The following TRHR variants were observed in gnomAD, a reference collection of about 807,000 sequenced individuals.
TRHR encodes thyrotropin-releasing hormone receptor.
Under a neutral mutation model 28.0 loss-of-function variants are expected in TRHR, and 14 were observed. That is an observed-to-expected ratio of 0.50 (90% CI 0.33 to 0.78). The LOEUF (loss-of-function observed/expected upper bound fraction) is 0.78. TRHR is among the 30% of genes least tolerant of loss of function. The pLI, the probability that TRHR is intolerant of heterozygous loss-of-function variation, is 0.02. For synonymous variants in TRHR, 176 were observed against 171.9 expected (o/e 1.02, Z -0.18); for missense variants, 438 against 469.5 (o/e 0.93, Z 0.62).
rs1447165984 is a variant in TRHR at position 109,119,305 on chromosome 8, TG to T, written c.1048del (p.Val350TrpfsTer3). 6.2e-7 allele frequency: 1 copy of T among 1,612,614 alleles called. No homozygotes were observed. On this transcript the variant is annotated frameshift_variant, in exon 3 of 3. Coordinates refer to ENST00000518632, the MANE Select transcript of TRHR (RefSeq NM_003301.7). LOFTEE classifies it high-confidence loss of function. ...CAACAGAGAAACCTGCTAACTACAG[TG>T]TGGCCCTAAATTACAGCGTCATCAA... is the stretch of plus-strand genomic sequence containing the variant. Reference protein sequence around the residue: ...KPTEKPANYSVALNYSVIKES... With the variant: ...KPTEKPANYSXALNYSVIKES...
At chr8:109,104,253 G>A (rs1384949255) in intron 2 of TRHR, among the ~76,000 whole-genome samples, 1 of 152,082 alleles carries the variant, frequency 6.6e-6, no homozygotes, top group African/African-American at 2.4e-5. Flanking sequence ...AGAGAGTCAA[G>A]TTGCTTAGTA....
chr8:109,088,991 T>G (rs1294120923), intron 2 of TRHR, among the ~76,000 whole-genome samples: 1 of 152,174 alleles, frequency 6.6e-6, no homozygotes, highest in Non-Finnish European at 1.5e-5. Flanking sequence ...ATCGGTTTTT[T>G]CCTGCTAAGC....
At chr8:109,095,816 T>C (rs945114542) in intron 2 of TRHR, among the ~76,000 whole-genome samples, 39 of 152,044 alleles carry the variant, frequency 2.6e-4, no homozygotes, top group African/African-American at 9.4e-4. Context: ...TAAGTGCCTT[T>C]TTCTCCTGTT....
intron 2 of TRHR, among the ~76,000 whole-genome samples, chr8:109,107,430 G>T (rs1176196098): frequency 6.6e-6 from 1 of 152,152 alleles, no homozygotes; most frequent in African/African-American, 2.4e-5. Context: ...ATGCCATACA[G>T]ATAGTAAGTG....
At position 109,119,579 on chromosome 8, in the gene TRHR, A is replaced by G; in HGVS notation, c.*124A>G. ...GCAGATCAGTCTTTGTCAATGCTCT[A>G]ACAAATTCTGGCCCTAGATACTTTA... On this transcript the variant is annotated 3_prime_UTR_variant, in exon 3 of 3. Coordinates refer to ENST00000518632, the MANE Select transcript of TRHR (RefSeq NM_003301.7). 1 of 1,194,236 alleles carries G rather than the reference A, an allele frequency of 8.4e-7. No homozygotes were observed. Among genetic ancestry groups the G allele is most frequent in the Non-Finnish European group, 1.2e-6 (1 of 846,082 alleles). 74.0% of individuals were successfully genotyped at this position (1,194,236 alleles called of 1,614,324 possible).
At chr8:109,111,158 AC>A (rs1811826374) in intron 2 of TRHR, among the ~76,000 whole-genome samples, 1 of 151,892 alleles carries the variant, frequency 6.6e-6, no homozygotes, top group African/African-American at 2.4e-5. Flanking sequence ...TCTCAAAAAA[AC>A]AAAACAAAAC....
chr8:109,087,496 A>C lies in TRHR; in HGVS notation c.-17A>C, dbSNP rs1021213362. ...TTTGAGAAGTCAGTGTTTCCGAGAA[A>C]CTTTAAGCTTCTAAAGATGGAAAAC... On this transcript the variant is annotated 5_prime_UTR_variant, in exon 2 of 3. Transcript: ENST00000518632. 7 of 1,613,896 alleles carry C rather than the reference A, an allele frequency of 4.3e-6. No homozygotes were observed. The highest frequency in any genetic ancestry group is 5.9e-6 in the Non-Finnish European group (7 of 1,180,008).
Position 109,121,377 on chromosome 8 carries a change from A to AT in TRHR, c.*1928dup, listed in dbSNP as rs1329763950. Among the ~76,000 whole-genome samples the AT allele has an allele frequency of 6.6e-6, 1 of 151,550 alleles. No homozygotes were observed. The highest frequency in any genetic ancestry group is 6.6e-5 in the Admixed American group (1 of 15,164). On this transcript the variant is annotated 3_prime_UTR_variant, in exon 3 of 3. Transcript: ENST00000518632. ...GAAAAAGGGGATTGGAATATACGAG[A>AT]TTTTTTCATTACAGAAAGGACCTAA...
chr8:109,118,238 A>G (rs1337568599), intron 2 of TRHR, among the ~76,000 whole-genome samples: 1 of 151,912 alleles, frequency 6.6e-6, no homozygotes, highest in Non-Finnish European at 1.5e-5. Flanking sequence ...TACAATACCT[A>G]TTTTAGGAGG....
In TRHR at chr8:109,120,189, G is replaced by A. The variant is rs1034598301; in HGVS notation, c.*734G>A. ...AACTCTTCCAGCCTCCCACATGATG[G>A]GTGGAAAAAGGCAAAAGCCCAGATT... On this transcript the variant is annotated 3_prime_UTR_variant, in exon 3 of 3. Transcript: ENST00000518632. 6.6e-6 allele frequency among the ~76,000 whole-genome samples: 1 copy of A among 151,644 alleles called. No individual in the cohort carries two copies. The highest frequency in any genetic ancestry group is 2.4e-5 in the African/African-American group (1 of 41,332).
At chr8:109,112,726 C>T (rs1180849648) in intron 2 of TRHR, among the ~76,000 whole-genome samples, 1 of 152,156 alleles carries the variant, frequency 6.6e-6, no homozygotes, top group Non-Finnish European at 1.5e-5. Context: ...CTTCAACTCA[C>T]TATTTATGTT....
At position 109,107,004 on chromosome 8, in the gene TRHR, T is replaced by G. The variant is rs544997905; in HGVS notation, c.790-12044T>G. Among the ~76,000 whole-genome samples, 59 of 152,238 alleles carry G rather than the reference T, an allele frequency of 3.9e-4. 3 individuals are homozygous for G. The South Asian group carries it at 0.012, about 32-fold the overall frequency. On this transcript the variant is annotated intron_variant, in intron 2 of 2. Coordinates refer to ENST00000518632, the MANE Select transcript of TRHR (RefSeq NM_003301.7). The stretch of plus-strand genomic sequence containing the variant: ...GCACAAATGAATAGACAGGGAGACA[T>G]GAGGGAAAGTAACTTGAAGAAGAAT...
intron 2 of TRHR, among the ~76,000 whole-genome samples, chr8:109,113,587 C>T (rs1811872401): frequency 6.6e-6 from 1 of 152,040 alleles, no homozygotes; most frequent in South Asian, 2.1e-4. Flanking sequence ...CTGAATAAAG[C>T]ATGGAGCTAA....
chr8:109,094,278 G>T (rs1004080073), intron 2 of TRHR, among the ~76,000 whole-genome samples: 1 of 151,400 alleles, frequency 6.6e-6, no homozygotes, highest in Non-Finnish European at 1.5e-5. Context: ...AGAGATGGAG[G>T]CCTTGCTCTG....
Position 109,119,212 on chromosome 8 carries a change from G to C in TRHR, c.954G>C (p.Val318=). 1 of 1,612,938 alleles carries C rather than the reference G, an allele frequency of 6.2e-7. No individual in the cohort carries two copies. The highest frequency in any genetic ancestry group is 8.5e-7 in the Non-Finnish European group (1 of 1,179,294). Residue 318 remains valine (V), a synonymous_variant, in exon 3 of 3, where the codon GTG becomes GTC. Coordinates refer to ENST00000518632, the MANE Select transcript of TRHR (RefSeq NM_003301.7). ...ATCTCAACAGTGCCATCAACCCGGT[G>C]ATTTACAATCTCATGTCCCAGAAAT... is the stretch of plus-strand genomic sequence containing the variant. ...CIYLNSAINP[V]IYNLMSQKFR...
chr8:109,112,538 T>C (rs1394175347), intron 2 of TRHR, among the ~76,000 whole-genome samples: 1 of 152,194 alleles, frequency 6.6e-6, no homozygotes, highest in Non-Finnish European at 1.5e-5. Context: ...AGGAAATAGA[T>C]GAGTATGAAG....
intron 2 of TRHR, among the ~76,000 whole-genome samples, chr8:109,097,220 C>G (rs906201591): frequency 6.6e-6 from 1 of 152,056 alleles, no homozygotes; most frequent in Non-Finnish European, 1.5e-5. Flanking sequence ...AAATGACCAC[C>G]CAGGGAAGGG....
intron 2 of TRHR, among the ~76,000 whole-genome samples, chr8:109,089,756 T>C (rs1563620797): frequency 6.6e-6 from 1 of 152,184 alleles, no homozygotes; most frequent in Non-Finnish European, 1.5e-5. Flanking sequence ...AAGACAAACA[T>C]TGACAAATAT....
intron 2 of TRHR, among the ~76,000 whole-genome samples, chr8:109,110,293 G>A (rs1046190437): frequency 2.6e-5 from 4 of 152,166 alleles, no homozygotes; most frequent in Non-Finnish European, 5.9e-5. Context: ...ACCAAAATGG[G>A]AAGATTGCTT....
Sources: allele counts gnomAD v4.1 joint callset (sites outside exome capture counted in the v4.1 genomes callset), GRCh38; gene constraint gnomAD v4.1.1; transcripts MANE v1.5; gene names NCBI Gene and HGNC (gene_info 2026-07-23, HGNC 2026-07-21).